GOLGA2: variants seen among roughly 807,000 people sequenced by gnomAD.
GOLGA2 encodes golgin subfamily A member 2.
Under a neutral mutation model 148.8 loss-of-function variants are expected in GOLGA2, and 49 were observed. The ratio of observed to expected loss-of-function variants is 0.33; its 90% CI spans 0.26 to 0.42. The LOEUF (loss-of-function observed/expected upper bound fraction) is 0.42. GOLGA2 is among the 10% of genes least tolerant of loss of function. The pLI is 1.00. For synonymous variants in GOLGA2, 501 were observed against 511.8 expected (o/e 0.98, Z 0.28); for missense variants, 1,178 against 1,304.6 (o/e 0.90, Z 1.49).
rs1281118943 is a variant in GOLGA2 at position 128,261,507 on chromosome 9, G to A, written c.1279C>T (p.Leu427Phe). The A allele has an allele frequency of 6.2e-7, 1 of 1,611,948 alleles. No individual in the cohort carries two copies. Among genetic ancestry groups the A allele is most frequent in the Non-Finnish European group, 8.5e-7 (1 of 1,178,086 alleles). The change falls in exon 16 of 27, where the codon CTC becomes TTC. Residue 427 changes from leucine to phenylalanine, a missense_variant. Leu to Phe is a conservative substitution (Grantham distance 22, BLOSUM62 0). Coordinates refer to ENST00000611957, the MANE Select transcript of GOLGA2 (RefSeq NM_001366244.2). This position sits in a 1 kb window ranked among gnomAD's most constrained non-coding sequence, Gnocchi z 5.7. ...CGCCACATGGCGCTCTCTCCTTTGAGATTCTCCGCATATTTATCTCTCTCC... is the reference window on the plus strand; with the variant it reads ...CGCCACATGGCGCTCTCTCCTTTGAAATTCTCCGCATATTTATCTCTCTCC... ...QMERDKYAEN[L>F]KGESAMWRQR...
At position 128,261,314 on chromosome 9, in the gene GOLGA2, C is replaced by T; in HGVS notation, c.1333-55G>A. ...GGAGAGGGGCTGGTGGCTGGACAGG[C>T]TACCATCTCCCTCTGCCCCCACCGC... On this transcript the variant is annotated intron_variant, in intron 16 of 26. Transcript: ENST00000611957. This position sits in a 1 kb window ranked among gnomAD's most constrained non-coding sequence, Gnocchi z 5.7. 7.0e-7 allele frequency: 1 copy of T among 1,422,140 alleles called. No homozygotes were observed. Among genetic ancestry groups the T allele is most frequent in the Admixed American group, 1.7e-5 (1 of 59,754 alleles). 88.1% of individuals were successfully genotyped at this position (1,422,140 alleles called of 1,614,324 possible).
rs530566247 is a variant in GOLGA2, at chr9:128,256,867, TTTAA to T, written c.*196_*199del. On this transcript the variant is annotated 3_prime_UTR_variant, in exon 27 of 27. Coordinates refer to ENST00000611957, the MANE Select transcript of GOLGA2 (RefSeq NM_001366244.2). Reference sequence around the variant, plus strand: ...CATAACTTTTTTTAATCCCATAACTTTTAATTTTTTTTTAATTTAGTGGCCAGCT... The same window carrying T: ...CATAACTTTTTTTAATCCCATAACTTTTTTTTTTTAATTTAGTGGCCAGCT... The T allele has an allele frequency of 6.0e-5, 28 of 463,288 alleles. No homozygotes were observed. The East Asian group carries it at 7.1e-4, about 12-fold the overall frequency. 28.7% of individuals were successfully genotyped at this position (463,288 alleles called of 1,614,324 possible). A position where few individuals can be genotyped will look rare whatever the true frequency, so the allele number is the denominator to read the frequency against.
intron 12 of GOLGA2, among the ~76,000 whole-genome samples, chr9:128,263,332 C>T (rs1005492582): frequency 7.2e-5 from 11 of 152,210 alleles, no homozygotes; most frequent in Admixed American, 1.3e-4. Context: ...CAGCTCACAA[C>T]CTCTGCCTCC....
chr9:128,258,531 T>G lies in GOLGA2; in HGVS notation c.2213A>C (p.Glu738Ala). Reference protein sequence around the residue: ...LDREEEEDEEEEEEEAVAVPQ... With the variant: ...LDREEEEDEEAEEEEAVAVPQ... Reference sequence around the variant, plus strand: ...TACTGCCACCGCCTCCTCCTCCTCCTCCTCCTCATCCTCCTCCTCCTCCCG... The same window carrying G: ...TACTGCCACCGCCTCCTCCTCCTCCGCCTCCTCATCCTCCTCCTCCTCCCG... The change falls in exon 22 of 27, where the codon GAG becomes GCG. Residue 738 changes from glutamate to alanine, a missense_variant. Transcript: ENST00000611957. The surrounding 1 kb of genome is among the most constrained non-coding windows in gnomAD (Gnocchi z 6.6). 6.3e-7 allele frequency: 1 copy of G among 1,585,876 alleles called. No individual in the cohort carries two copies. The highest frequency in any genetic ancestry group is 1.3e-5 in the African/African-American group (1 of 74,294).
chr9:128,259,373 C>T lies in GOLGA2; in HGVS notation c.1891G>A (p.Glu631Lys). 3 of 1,588,920 alleles carry T rather than the reference C, an allele frequency of 1.9e-6. No individual in the cohort carries two copies. The highest frequency in any genetic ancestry group is 2.6e-6 in the Non-Finnish European group (3 of 1,167,162). The change falls in exon 20 of 27, where the codon GAG becomes AAG. Residue 631 changes from glutamate to lysine, a missense_variant. This residue lies in a region of GOLGA2 where 529 missense variants were observed against 521.8 expected (regional missense o/e 1.01). Transcript: ENST00000611957. ...LKETVELKSQ[E>K]AQSLQQQRDQ... is the part of the protein sequence containing the mutation. ...CGCTGCTGCTGCAGACTTTGAGCCT[C>T]TTGGCTCTTCAGCTCCACCTGTAGG... is the stretch of plus-strand genomic sequence containing the variant.
intron 13 of GOLGA2, 137 bp from the exon 14 acceptor site, chr9:128,262,841 C>T (rs1830355644): frequency 1.1e-6 from 1 of 881,666 alleles, no homozygotes; most frequent in Non-Finnish European, 1.8e-6. Flanking sequence ...GTCACATGTA[C>T]AGGCCAGAGA....
At position 128,273,916 on chromosome 9, in the gene GOLGA2, C is replaced by T; in HGVS notation, c.141G>A (p.Lys47=). The T allele has an allele frequency of 1.2e-6, 2 of 1,613,834 alleles. No individual in the cohort carries two copies. The highest frequency in any genetic ancestry group is 2.2e-5 in the South Asian group (2 of 91,082). The change falls in exon 2 of 27, where the codon AAG becomes AAA. Residue 47 remains lysine, a synonymous_variant. Transcript: ENST00000611957. The part of the protein sequence containing the change: ...SPGVPTGAKK[K]KKIKNGSNPE... ...GGTTACTGCCATTTTTTATTTTCTTCTTCTTTTTCGCTCCTGTAGGAACAC... is the reference window on the plus strand; with the variant it reads ...GGTTACTGCCATTTTTTATTTTCTTTTTCTTTTTCGCTCCTGTAGGAACAC...
intron 6 of GOLGA2, 94 bp from the exon 7 acceptor site, chr9:128,267,611 C>T: frequency 2.1e-6 from 2 of 938,666 alleles, no homozygotes; most frequent in Non-Finnish European, 3.5e-6. Flanking sequence ...GCAACATTTT[C>T]TTTTCTAACT....
At position 128,261,728 on chromosome 9, in the gene GOLGA2, A is replaced by G; in HGVS notation, c.1164T>C (p.Ala388=). The change falls in exon 15 of 27, where the codon GCT becomes GCC. Residue 388 remains alanine, a synonymous_variant. Transcript: ENST00000611957. The surrounding 1 kb of genome is among the most constrained non-coding windows in gnomAD (Gnocchi z 5.7). ...CCATGGCCTGCTGTAACTGCTGGTT[A>G]GCATCAGGGGCTTCACACCGGCTTG... is the stretch of plus-strand genomic sequence containing the variant. ...QFSSRCEAPD[A]NQQLQQAMEE... The G allele has an allele frequency of 6.2e-7, 1 of 1,613,156 alleles. No individual in the cohort carries two copies. Among genetic ancestry groups the G allele is most frequent in the Non-Finnish European group, 8.5e-7 (1 of 1,179,142 alleles).
intron 3 of GOLGA2, among the ~76,000 whole-genome samples, chr9:128,270,482 G>C (rs1459115501): frequency 2.6e-5 from 4 of 152,052 alleles, no homozygotes; most frequent in Non-Finnish European, 4.4e-5. Context: ...TGATTATTTT[G>C]TGAGCAACCA....
rs1830007893 is a variant in GOLGA2, at chr9:128,258,058, GGCT to G, written c.2427_2429del (p.Ala810del). 6.2e-7 allele frequency: 1 copy of G among 1,611,674 alleles called. No homozygotes were observed. The highest frequency in any genetic ancestry group is 2.2e-5 in the East Asian group (1 of 44,852). ...AATCACCCCCGGTCCCTGGGGCTGG[GGCT>G]GCTGCCTCAGGCTCCTTCTGGGCCG... On this transcript the variant is annotated inframe_deletion, in exon 23 of 27. Transcript: ENST00000611957. The surrounding 1 kb of genome is among the most constrained non-coding windows in gnomAD (Gnocchi z 6.6).
Position 128,256,908 on chromosome 9 carries a change from G to A in GOLGA2, c.*159C>T. On this transcript the variant is annotated 3_prime_UTR_variant, in exon 27 of 27. Transcript: ENST00000611957. ...TTTAGTGGCCAGCTTTTAGATGACA[G>A]TGATCTTCACCTCATCTGCACCTGT... 1 of 571,522 alleles carries A rather than the reference G, an allele frequency of 1.7e-6. No homozygotes were observed. Among genetic ancestry groups the A allele is most frequent in the Non-Finnish European group, 3.1e-6 (1 of 319,036 alleles). 35.4% of individuals were successfully genotyped at this position (571,522 alleles called of 1,614,324 possible).
rs1269116956 is a variant in GOLGA2 at position 128,257,825 on chromosome 9, C to T, written c.2576G>A (p.Arg859His). The T allele has an allele frequency of 5.6e-6, 9 of 1,614,110 alleles. No homozygotes were observed. The highest frequency in any genetic ancestry group is 6.8e-6 in the Non-Finnish European group (8 of 1,179,976). Residue 859 changes from arginine to histidine, a missense_variant, in exon 24 of 27, where the codon CGC (arginine) becomes CAC (histidine). By Grantham distance (29) the Arg-to-His change is conservative. Transcript: ENST00000611957. The surrounding 1 kb of genome is among the most constrained non-coding windows in gnomAD (Gnocchi z 8.0). Reference protein sequence around the residue: ...LKERVEELEHRCIQLSGETDT... With the variant: ...LKERVEELEHHCIQLSGETDT... ...TGTCTCTCCAGAAAGCTGGATGCAG[C>T]GATGTTCCAGTTCCTCTACCCTCTC...
chr9:128,262,032 C>G, intron 14 of GOLGA2: 2 of 419,320 alleles, frequency 4.8e-6, no homozygotes, highest in Non-Finnish European at 8.6e-6. Context: ...GGCAAAGCCC[C>G]GTATCTACAA....
intron 13 of GOLGA2, 112 bp from the exon 14 acceptor site, chr9:128,262,816 C>T: frequency 9.6e-7 from 1 of 1,045,634 alleles, no homozygotes; most frequent in Non-Finnish European, 1.4e-6. Context: ...CTGGAAGGAA[C>T]CCCAGGAATC....
rs750460055 is a variant in GOLGA2 at position 128,265,769 on chromosome 9, G to T, written c.826+19C>A. 1.2e-6 allele frequency: 2 copies of T among 1,611,434 alleles called. No individual in the cohort carries two copies. Among genetic ancestry groups the T allele is most frequent in the Middle Eastern group, 1.7e-4 (1 of 6,050 alleles). The stretch of plus-strand genomic sequence containing the variant: ...TCAAAGTGCCAGGTTGAAGGATGAT[G>T]GGGTGCCCAGATTCCCACCTTCTTT... On this transcript the variant is annotated intron_variant, in intron 11 of 26. Transcript: ENST00000611957.
In GOLGA2 at chr9:128,258,322, T is replaced by A; in HGVS notation, c.2290-124A>T. The A allele has an allele frequency of 8.8e-7, 1 of 1,130,456 alleles. No individual in the cohort carries two copies. Among genetic ancestry groups the A allele is most frequent in the Non-Finnish European group, 1.3e-6 (1 of 766,074 alleles). 70.0% of individuals were successfully genotyped at this position (1,130,456 alleles called of 1,614,324 possible). On this transcript the variant is annotated intron_variant, in intron 22 of 26. Coordinates refer to ENST00000611957, the MANE Select transcript of GOLGA2 (RefSeq NM_001366244.2). This position sits in a 1 kb window ranked among gnomAD's most constrained non-coding sequence, Gnocchi z 6.6. ...CTTGTTGGTCCCAAGTGAAATGGTG[T>A]CTCACCACTGGCTCCCAGGAAAGGG... is the stretch of plus-strand genomic sequence containing the variant.
At position 128,261,115 on chromosome 9, in the gene GOLGA2, A is replaced by AC. The variant is rs1040594408; in HGVS notation, c.1420+56dup. The AC allele has an allele frequency of 9.7e-5, 116 of 1,191,474 alleles. No individual in the cohort carries two copies. The highest frequency in any genetic ancestry group is 1.4e-4 in the Non-Finnish European group (113 of 796,526). The allele number at this position is 1,191,474 out of a possible 1,614,324, so 73.8% of individuals were successfully genotyped here. On this transcript the variant is annotated intron_variant, in intron 17 of 26. Transcript: ENST00000611957. The surrounding 1 kb of genome is among the most constrained non-coding windows in gnomAD (Gnocchi z 5.7). ...CCAACTCCCTGGGGCATTCTAAACC[A>AC]CCCCCACAACCCTCTGACACCATTC... is the stretch of plus-strand genomic sequence containing the variant.
rs1830697203 is a variant in GOLGA2, at chr9:128,267,967, T to C, written c.468A>G (p.Gln156=). 6.2e-7 allele frequency: 1 copy of C among 1,612,610 alleles called. No homozygotes were observed. The highest frequency in any genetic ancestry group is 1.1e-5 in the South Asian group (1 of 91,046). The change falls in exon 6 of 27, where the codon CAA becomes CAG. Residue 156 remains glutamine, a synonymous_variant. Transcript: ENST00000611957. ...KTFSSTESLR[Q]LSQQLNGLVC... ...CAAGACCATTGAGCTGTTGGGAGAG[T>C]TGTCGCAGGCTCTCGGTTGATGAGA...
Sources: gnomAD v4.1 joint callset for allele counts (sites outside exome capture counted in the v4.1 genomes callset) on GRCh38, gnomAD v4.1.1 for gene constraint, gnomAD v4.1.1 regional missense constraint, Gnocchi (gnomAD v3.1) non-coding constraint, MANE v1.5 for transcripts, NCBI Gene and HGNC (gene_info 2026-07-23, HGNC 2026-07-21) for gene names.